The following KCND3 variants were observed in gnomAD, a reference collection of about 807,000 sequenced individuals.
KCND3 encodes A-type voltage-gated potassium channel KCND3.
Under a neutral mutation model 51.1 loss-of-function variants are expected in KCND3, and 9 were observed. The observed-to-expected ratio is 0.18, with a 90% CI of 0.11 to 0.31. The LOEUF is 0.31. Among genes scored for constraint, KCND3 ranks in the 10% least tolerant of loss-of-function variants. KCND3 has a pLI of 1.00. For missense variants in KCND3, 526 were observed against 903.8 expected, an observed-to-expected ratio of 0.58 and a Z score of 5.36; for synonymous variants, 349 against 368.0, an observed-to-expected ratio of 0.95 and a Z score of 0.59.
intron 2 of KCND3, among the ~76,000 whole-genome samples, chr1:111,808,960 T>A (rs1453698466): frequency 6.6e-6 from 1 of 152,160 alleles, no homozygotes; most frequent in Non-Finnish European, 1.5e-5. Flanking sequence ...AATGACCCCA[T>A]CCTCCACCCC....
intron 1 of KCND3, among the ~76,000 whole-genome samples, chr1:111,985,148 G>A (rs926076983): frequency 4.6e-5 from 7 of 152,122 alleles, no homozygotes; most frequent in African/African-American, 1.7e-4. Context: ...CTGAGACATA[G>A]CAGTCTGACA....
At chr1:111,863,624 G>T (rs475804) in intron 2 of KCND3, among the ~76,000 whole-genome samples, 21,763 of 152,254 alleles carry the variant, frequency 0.14, 1,986 homozygotes, top group East Asian at 0.41. Context: ...GAGGGGCAAT[G>T]AAGTAGGAGA....
At chr1:111,931,385 G>A (rs569869443) in intron 2 of KCND3, among the ~76,000 whole-genome samples, 14 of 152,198 alleles carry the variant, frequency 9.2e-5, no homozygotes, top group Non-Finnish European at 1.9e-4. Context: ...ACAGGATGTG[G>A]AAGGAGTCTC....
chr1:111,922,892 T>A (rs1460178155), intron 2 of KCND3, among the ~76,000 whole-genome samples: 4 of 152,252 alleles, frequency 2.6e-5, no homozygotes, highest in African/African-American at 9.6e-5. Flanking sequence ...TAGTATTCAA[T>A]AAATATTGAC....
At position 111,772,800 on chromosome 1, in the gene KCND3, A is replaced by G. The variant is rs1349803911; in HGVS notation, c.*3277T>C. 1 of 152,174 alleles carries G rather than the reference A, an allele frequency of 6.6e-6. No individual in the cohort carries two copies. The highest frequency in any genetic ancestry group is 1.5e-5 in the Non-Finnish European group (1 of 68,042). The allele number at this position is 152,174 out of a possible 1,614,324, so 9.4% of individuals were successfully genotyped here. A position where few individuals can be genotyped will look rare whatever the true frequency, so the allele number is the denominator to read the frequency against. On this transcript the variant is annotated 3_prime_UTR_variant, in exon 8 of 8. Transcript: ENST00000302127. ...CCTCCCCCTCTTAATGCTGAGTGGG[A>G]CTGAATGGAATAGGTGGTTTTGGGA...
At chr1:111,813,854 T>C (rs1052712860) in intron 2 of KCND3, among the ~76,000 whole-genome samples, 1 of 152,252 alleles carries the variant, frequency 6.6e-6, no homozygotes, top group Non-Finnish European at 1.5e-5. Context: ...AGGCATTCAG[T>C]GATTTGCCCA....
chr1:111,981,875 G>A lies in KCND3; in HGVS notation c.852C>T (p.Gly284=), dbSNP rs764092921. The part of the protein sequence containing the change: ...LVMTNNEDVS[G]AFVTLRVFRV... ...GGAAGACCCGGAGCGTGACGAAGGC[G>A]CCGGACACGTCCTCGTTGTTGGTCA... Residue 284 remains glycine, a synonymous_variant, in exon 2 of 8, where the codon GGC becomes GGT. Transcript: ENST00000302127. This position sits in a 1 kb window ranked among gnomAD's most constrained non-coding sequence, Gnocchi z 6.2. 1 of 1,614,084 alleles carries A rather than the reference G, an allele frequency of 6.2e-7. No homozygotes were observed. The highest frequency in any genetic ancestry group is 8.5e-7 in the Non-Finnish European group (1 of 1,180,030).
intron 2 of KCND3, among the ~76,000 whole-genome samples, chr1:111,795,353 G>A (rs779853615): frequency 2.6e-5 from 4 of 152,330 alleles, no homozygotes; most frequent in Admixed American, 6.5e-5. Flanking sequence ...GGACCCAGAC[G>A]GGACAGATGA....
At chr1:111,871,337 A>G (rs1668820272) in intron 2 of KCND3, among the ~76,000 whole-genome samples, 1 of 152,236 alleles carries the variant, frequency 6.6e-6, no homozygotes, top group Non-Finnish European at 1.5e-5. Flanking sequence ...AAGGCAATGA[A>G]GGAATGATGA....
intron 2 of KCND3, among the ~76,000 whole-genome samples, chr1:111,956,907 T>C (rs1350386166): frequency 6.6e-6 from 1 of 152,208 alleles, no homozygotes; most frequent in African/African-American, 2.4e-5. Context: ...TTTAAAGGTC[T>C]CTGGAGAAGA....
chr1:111,787,117 G>A lies in KCND3; in HGVS notation c.1107-11C>T, dbSNP rs886248434. On this transcript the variant is annotated splice_polypyrimidine_tract_variant and intron_variant, in intron 2 of 7. Coordinates refer to ENST00000302127, the MANE Select transcript of KCND3 (RefSeq NM_001378969.1). The stretch of plus-strand genomic sequence containing the variant: ...ACCATGTCTCCGTATCTGAGAGAGG[G>A]AGAGAAACAGGGTGTAAGGGAGAGA... 2 of 1,614,078 alleles carry A rather than the reference G, an allele frequency of 1.2e-6. No individual in the cohort carries two copies. Among genetic ancestry groups the A allele is most frequent in the Admixed American group, 1.7e-5 (1 of 60,010 alleles).
intron 2 of KCND3, among the ~76,000 whole-genome samples, chr1:111,826,822 T>C (rs1666600937): frequency 6.6e-6 from 1 of 152,244 alleles, no homozygotes; most frequent in African/African-American, 2.4e-5. Flanking sequence ...TGCTGATCTT[T>C]GTTCTAAGTG....
At chr1:111,900,956 T>A (rs1037064008) in intron 2 of KCND3, among the ~76,000 whole-genome samples, 3 of 151,918 alleles carry the variant, frequency 2.0e-5, no homozygotes, top group African/African-American at 7.3e-5. Context: ...AAACTCCATC[T>A]AAAAAAACAA....
intron 2 of KCND3, among the ~76,000 whole-genome samples, chr1:111,951,138 C>A (rs1179805703): frequency 7.1e-6 from 1 of 141,140 alleles, no homozygotes; most frequent in Non-Finnish European, 1.5e-5. Flanking sequence ...CCATTGCACT[C>A]CAGCCTGGCA....
intron 2 of KCND3, among the ~76,000 whole-genome samples, chr1:111,934,114 C>T (rs1288699284): frequency 2.6e-5 from 4 of 152,174 alleles, no homozygotes; most frequent in African/African-American, 4.8e-5. Context: ...AGCTTCTCCC[C>T]GTGTGGTTCT....
intron 2 of KCND3, among the ~76,000 whole-genome samples, chr1:111,870,032 T>C (rs1187553102): frequency 6.6e-6 from 1 of 152,232 alleles, no homozygotes; most frequent in Non-Finnish European, 1.5e-5. Context: ...CAGAGATTAA[T>C]TGAGACACAT....
chr1:111,942,098 C>T (rs542291001), intron 2 of KCND3, among the ~76,000 whole-genome samples: 3 of 152,280 alleles, frequency 2.0e-5, no homozygotes, highest in East Asian at 3.9e-4. Flanking sequence ...GCACAAGCCA[C>T]GTCCACATAA....
rs549702757 is a variant in KCND3, at chr1:111,775,719, A to G, written c.*358T>C. Reference sequence around the variant, plus strand: ...CTGCTCTTGGTCTTGTATTTTCCTCACTGGGGTCTCCAGAAACGACTGTTA... The same window carrying G: ...CTGCTCTTGGTCTTGTATTTTCCTCGCTGGGGTCTCCAGAAACGACTGTTA... On this transcript the variant is annotated 3_prime_UTR_variant, in exon 8 of 8. Coordinates refer to ENST00000302127, the MANE Select transcript of KCND3 (RefSeq NM_001378969.1). 10 of 356,410 alleles carry G rather than the reference A, an allele frequency of 2.8e-5. No individual in the cohort carries two copies. The South Asian group carries it at 2.8e-4, about 10-fold the overall frequency. The allele number at this position is 356,410 out of a possible 1,614,324, so 22.1% of individuals were successfully genotyped here.
chr1:111,983,457 T>C (rs1199025379), intron 1 of KCND3, among the ~76,000 whole-genome samples: 1 of 152,110 alleles, frequency 6.6e-6, no homozygotes, highest in Non-Finnish European at 1.5e-5. Context: ...CCCCTACTCC[T>C]TGCCCTAGCA....
Sources: gnomAD v4.1 joint callset for allele counts (sites outside exome capture counted in the v4.1 genomes callset) on GRCh38, gnomAD v4.1.1 for gene constraint, Gnocchi (gnomAD v3.1) non-coding constraint, MANE v1.5 for transcripts, NCBI Gene and HGNC (gene_info 2026-07-23, HGNC 2026-07-21) for gene names.